Variants in PPA1 observed in about 807,000 individuals in gnomAD.
PPA1 encodes the protein inorganic pyrophosphatase.
PPA1 carries 23 observed loss-of-function variants against 41.8 expected under a neutral mutation model. That is an observed-to-expected ratio of 0.55 (90% CI 0.40 to 0.78). The LOEUF is 0.78. PPA1 is among the 30% of genes least tolerant of loss of function. The probability of loss-of-function intolerance (pLI) is 0.00; values close to 1 mark genes in which losing one functional copy is unlikely to be tolerated. For synonymous variants in PPA1, 101 were observed against 116.8 expected, an observed-to-expected ratio of 0.86 and a Z score of 0.87; for missense variants, 320 against 361.6, an observed-to-expected ratio of 0.89 and a Z score of 0.93.
intron 2 of PPA1, among the ~76,000 whole-genome samples, chr10:70,221,722 C>A (rs1365455926): frequency 6.6e-6 from 1 of 152,234 alleles, no homozygotes; most frequent in Non-Finnish European, 1.5e-5. Context: ...GGAGCTGTTA[C>A]GACATGAAAG....
At position 70,220,958 on chromosome 10, in the gene PPA1, ATATATAATTTTTATATATAT is replaced by A. The variant is rs1840150538; in HGVS notation, c.124-2161_124-2142del. On this transcript the variant is annotated intron_variant, in intron 2 of 10. Transcript: ENST00000373232. ...ACTATATATATAATTTATATATAAT[ATATATAATTTTTATATATAT>A]ACTATATATATAATTTATATATATA... Among the ~76,000 whole-genome samples the A allele has an allele frequency of 4.1e-4, 16 of 39,272 alleles. 1 individual carries two copies. Among genetic ancestry groups the A allele is most frequent in the African/African-American group, 1.4e-3 (11 of 8,056 alleles). 25.8% of individuals were successfully genotyped at this position (39,272 alleles called of 152,430 possible). A position where few individuals can be genotyped will look rare whatever the true frequency, so the allele number is the denominator to read the frequency against.
intron 2 of PPA1, among the ~76,000 whole-genome samples, chr10:70,226,550 T>TA (rs879372623): frequency 2.8e-4 from 40 of 145,012 alleles, no homozygotes; most frequent in East Asian, 1.6e-3. Context: ...GACCCTGTCT[T>TA]AAAAAAAAAA....
chr10:70,232,725 C>A (rs563964879), intron 1 of PPA1, among the ~76,000 whole-genome samples: 2 of 152,122 alleles, frequency 1.3e-5, no homozygotes, highest in East Asian at 1.9e-4. Flanking sequence ...ACCGGTCCAG[C>A]GCCTTCACAG....
intron 1 of PPA1, among the ~76,000 whole-genome samples, chr10:70,232,302 G>C (rs1840296850): frequency 6.6e-6 from 1 of 152,212 alleles, no homozygotes. Context: ...ACTGTAAAGA[G>C]GTTACAATAG....
chr10:70,224,487 A>G (rs1296895711), intron 2 of PPA1, among the ~76,000 whole-genome samples: 1 of 152,212 alleles, frequency 6.6e-6, no homozygotes, highest in Non-Finnish European at 1.5e-5. Context: ...AAACAGGAAT[A>G]TTAATCACAG....
intron 3 of PPA1, 101 bp downstream of exon 3, chr10:70,218,663 G>T: frequency 1.1e-6 from 1 of 939,784 alleles, no homozygotes. Flanking sequence ...ACCAGACAGA[G>T]AAAAACCTTG....
At chr10:70,231,076 C>A (rs1001537790) in intron 1 of PPA1, among the ~76,000 whole-genome samples, 2 of 152,174 alleles carry the variant, frequency 1.3e-5, no homozygotes, top group African/African-American at 4.8e-5. Context: ...CCAGAGACAG[C>A]CAGCCATCTT....
At chr10:70,233,068 G>A (rs955445781) in intron 1 of PPA1, among the ~76,000 whole-genome samples, 196 bp downstream of exon 1, 3 of 152,174 alleles carry the variant, frequency 2.0e-5, no homozygotes, top group Non-Finnish European at 4.4e-5. Flanking sequence ...AGGGATGGCC[G>A]GAGGCGACCC....
intron 2 of PPA1, among the ~76,000 whole-genome samples, chr10:70,226,421 C>T (rs963909341): frequency 1.3e-5 from 2 of 151,700 alleles, no homozygotes; most frequent in African/African-American, 2.4e-5. Context: ...TAGCCAGGTA[C>T]GGTGGTGTGT....
intron 6 of PPA1, chr10:70,210,414 T>C (rs1310474952): frequency 2.2e-6 from 3 of 1,364,400 alleles, no homozygotes; most frequent in Non-Finnish European, 2.9e-6. Flanking sequence ...ACAACACTAT[T>C]ACATACTAAA....
At chr10:70,211,596 GACA>G (rs1284554034) in intron 6 of PPA1, among the ~76,000 whole-genome samples, 7 of 152,256 alleles carry the variant, frequency 4.6e-5, no homozygotes, top group African/African-American at 1.7e-4. Context: ...CTATAGGATG[GACA>G]ATAGACACTG....
At chr10:70,206,227 C>G in intron 9 of PPA1, 37 bp downstream of exon 9, 3 of 1,512,966 alleles carry the variant, frequency 2.0e-6, no homozygotes, top group Non-Finnish European at 2.7e-6. Flanking sequence ...TTTTTAGCAA[C>G]CAGGCTTGTT....
In PPA1 at chr10:70,204,788, C is replaced by A. The variant is rs377025834; in HGVS notation, c.838+85G>T. On this transcript the variant is annotated intron_variant, in intron 10 of 10. Transcript: ENST00000373232. ...TGTACCCATAAATATATTTAATTAT[C>A]ATTTGTCAACTAAAAATAAAAGTAA... The A allele has an allele frequency of 2.5e-5, 27 of 1,083,856 alleles. No individual in the cohort carries two copies. In the East Asian group the frequency reaches 2.8e-4, roughly 11 times the overall value. 67.1% of individuals were successfully genotyped at this position (1,083,856 alleles called of 1,614,324 possible).
intron 8 of PPA1, among the ~76,000 whole-genome samples, chr10:70,207,282 AAT>A (rs1403059005): frequency 1.3e-5 from 2 of 152,202 alleles, no homozygotes; most frequent in Non-Finnish European, 2.9e-5. Context: ...AATGATTAAA[AAT>A]AGTTTATCCT....
intron 6 of PPA1, among the ~76,000 whole-genome samples, chr10:70,210,985 G>C (rs1164636955): frequency 2.0e-5 from 3 of 152,034 alleles, no homozygotes; most frequent in Non-Finnish European, 4.4e-5. Flanking sequence ...GGACGGTCTC[G>C]ATCTCCTGAC....
intron 2 of PPA1, among the ~76,000 whole-genome samples, chr10:70,220,445 T>C (rs757144822): frequency 7.7e-6 from 1 of 129,598 alleles, no homozygotes; most frequent in Non-Finnish European, 1.6e-5. Context: ...TATGTATATA[T>C]GTGTGTGTGT....
At chr10:70,211,553 G>A (rs1312574123) in intron 6 of PPA1, among the ~76,000 whole-genome samples, 1 of 152,044 alleles carries the variant, frequency 6.6e-6, no homozygotes, top group African/African-American at 2.4e-5. Context: ...TACAACTCAG[G>A]GACAGCAAAT....
At position 70,206,411 on chromosome 10, in the gene PPA1, T is replaced by C. The variant is rs1031389684; in HGVS notation, c.726-78A>G. ...TAAGAGTTAAAAAATGAGTTGAAAG[T>C]GGTTGACCAGGTGATATTCAAGTTT... On this transcript the variant is annotated intron_variant, in intron 8 of 10. Transcript: ENST00000373232. The C allele has an allele frequency of 3.9e-6, 4 of 1,037,686 alleles. No individual in the cohort carries two copies. In the African/African-American group the frequency reaches 6.4e-5, roughly 17 times the overall value. 64.3% of individuals were successfully genotyped at this position (1,037,686 alleles called of 1,614,324 possible). A position where few individuals can be genotyped will look rare whatever the true frequency, so the allele number is the denominator to read the frequency against.
At chr10:70,212,193 G>A (rs1300194210) in intron 6 of PPA1, among the ~76,000 whole-genome samples, 1 of 152,200 alleles carries the variant, frequency 6.6e-6, no homozygotes, top group East Asian at 1.9e-4. Context: ...CTTCTGCTTT[G>A]AGATTTGTCT....
Sources: allele counts gnomAD v4.1 joint callset (sites outside exome capture counted in the v4.1 genomes callset), GRCh38; gene constraint gnomAD v4.1.1; transcripts MANE v1.5; gene names NCBI Gene and HGNC (gene_info 2026-07-23, HGNC 2026-07-21).